MEP1B: variants seen among roughly 807,000 people sequenced by gnomAD.
The protein encoded by MEP1B is meprin A subunit beta.
A neutral mutation model predicts 84.6 loss-of-function variants in MEP1B; 80 were observed. The observed-to-expected ratio is 0.95, with a 90% CI of 0.79 to 1.14. MEP1B has a LOEUF of 1.14. MEP1B is among the 50% of genes most tolerant of loss of function. The pLI is 0.00. For synonymous variants in MEP1B, 273 were observed against 288.1 expected (o/e 0.95, Z 0.53); for missense variants, 766 against 855.1 (o/e 0.90, Z 1.30).
In MEP1B at chr18:32,195,413, A is replaced by C; in HGVS notation, c.178A>C (p.Ile60Leu). The C allele has an allele frequency of 6.2e-7, 1 of 1,608,942 alleles. No homozygotes were observed. The highest frequency in any genetic ancestry group is 2.2e-5 in the East Asian group (1 of 44,816). Reference sequence around the variant, plus strand: ...TTGCATTTATTTTTGACAGGCACAAATTAGAAATTCCATCATTGGAGAAAA... The same window carrying C: ...TTGCATTTATTTTTGACAGGCACAACTTAGAAATTCCATCATTGGAGAAAA... ...EGDIRLDRAQ[I>L]RNSIIGEKYR... Residue 60 changes from isoleucine (I) to leucine (L), a missense_variant, in exon 5 of 15, where the codon ATT becomes CTT. Ile to Leu is a conservative substitution (Grantham distance 5). Coordinates refer to ENST00000269202, the MANE Select transcript of MEP1B (RefSeq NM_005925.3).
intron 11 of MEP1B, among the ~76,000 whole-genome samples, chr18:32,214,372 A>G (rs1295057563): frequency 2.0e-5 from 3 of 152,220 alleles, no homozygotes; most frequent in Non-Finnish European, 2.9e-5. Flanking sequence ...TAATTTTGCC[A>G]AATGTGAATT....
intron 1 of MEP1B, 26 bp downstream of exon 1, chr18:32,190,159 A>G (rs1399864004): frequency 1.3e-6 from 2 of 1,582,386 alleles, no homozygotes; most frequent in South Asian, 1.2e-5. Flanking sequence ...ATAGAAGATA[A>G]TTTAAAAATT....
intron 5 of MEP1B, among the ~76,000 whole-genome samples, chr18:32,199,660 T>TTCCTTCCTTCCTTCCTTCCTTCCTTCC (rs1256249848): frequency 3.1e-5 from 3 of 96,544 alleles, no homozygotes; most frequent in African/African-American, 5.3e-5. Context: ...CTTTTTTTCC[T>TTCCTTCCTTCCTTCCTTCCTTCCTTCC]TTCGTTCGTT....
At position 32,213,189 on chromosome 18, in the gene MEP1B, A is replaced by G; in HGVS notation, c.1209A>G (p.Glu403=). The G allele has an allele frequency of 6.2e-7, 1 of 1,614,022 alleles. No individual in the cohort carries two copies. Among genetic ancestry groups the G allele is most frequent in the Non-Finnish European group, 8.5e-7 (1 of 1,179,880 alleles). ...KVTKKFRVVF[E]GRKGSGASLG... ...CCAAGAAGTTTAGAGTGGTGTTTGA[A>G]GGACGCAAAGGCTCTGGTGCATCAC... Residue 403 remains glutamate (E), a synonymous_variant, in exon 11 of 15, where the codon GAA becomes GAG. Transcript: ENST00000269202.
chr18:32,195,568 A>G, intron 5 of MEP1B, 83 bp downstream of exon 5: 1 of 901,000 alleles, frequency 1.1e-6, no homozygotes, highest in Non-Finnish European at 1.7e-6. Flanking sequence ...GTGGGCTTAT[A>G]TAGTCTTTAA....
Position 32,213,245 on chromosome 18 carries a change from T to A in MEP1B, c.1265T>A (p.Leu422His). Residue 422 changes from leucine (L) to histidine (H), a missense_variant, in exon 11 of 15, where the codon CTT becomes CAT. By Grantham distance (99) the Leu-to-His change is moderately conservative. Coordinates refer to ENST00000269202, the MANE Select transcript of MEP1B (RefSeq NM_005925.3). Reference protein sequence around the residue: ...LGGLSIDDINLSETRCPHHIW... With the variant: ...LGGLSIDDINHSETRCPHHIW... ...GGTCTGTCTATTGATGACATCAATC[T>A]TTCGGAAACACGGTGCCCTCATCAT... The A allele has an allele frequency of 6.2e-7, 1 of 1,614,022 alleles. No individual in the cohort carries two copies. The highest frequency in any genetic ancestry group is 8.5e-7 in the Non-Finnish European group (1 of 1,179,878).
intron 12 of MEP1B, among the ~76,000 whole-genome samples, chr18:32,215,609 G>A (rs1335526375): frequency 6.6e-6 from 1 of 152,122 alleles, no homozygotes; most frequent in Non-Finnish European, 1.5e-5. Context: ...TGGATCACGA[G>A]GTCAGGAGAT....
chr18:32,204,080 G>A (rs1231330451), intron 6 of MEP1B, 102 bp from the exon 7 acceptor site: 3 of 926,422 alleles, frequency 3.2e-6, no homozygotes. Flanking sequence ...GCAAAGGTGG[G>A]TAATGAAGTG....
At position 32,191,923 on chromosome 18, in the gene MEP1B, C is replaced by A. The variant is rs560286509; in HGVS notation, c.82+83C>A. ...TAAACATCATACATAATTACATATG[C>A]ATAATTGATGCATAATTGCATTGAA... On this transcript the variant is annotated intron_variant, in intron 2 of 14. Coordinates refer to ENST00000269202, the MANE Select transcript of MEP1B (RefSeq NM_005925.3). The A allele has an allele frequency of 1.7e-4, 136 of 795,946 alleles. No individual in the cohort carries two copies. The Middle Eastern group carries it at 2.9e-3, about 17-fold the overall frequency. The allele number at this position is 795,946 out of a possible 1,614,324, so 49.3% of individuals were successfully genotyped here.
In MEP1B at chr18:32,210,500, G is replaced by A; in HGVS notation, c.920-1G>A. The A allele has an allele frequency of 6.2e-7, 1 of 1,612,954 alleles. No homozygotes were observed. Among genetic ancestry groups the A allele is most frequent in the Middle Eastern group, 1.6e-4 (1 of 6,062 alleles). On this transcript the variant is annotated splice_acceptor_variant, in intron 9 of 14. Coordinates refer to ENST00000269202, the MANE Select transcript of MEP1B (RefSeq NM_005925.3). LOFTEE classifies it high-confidence loss of function. ...CTCTCAATTCTGCTTTTCTTTAACA[G>A]GTTCTGGTTTCTTCATGCATTTCGA...
chr18:32,199,086 G>C (rs1163169788), intron 5 of MEP1B, among the ~76,000 whole-genome samples: 1 of 152,174 alleles, frequency 6.6e-6, no homozygotes, highest in Non-Finnish European at 1.5e-5. Context: ...GCATGAGACA[G>C]AGAAGCATGG....
At chr18:32,219,636 C>T (rs1043449236) in intron 14 of MEP1B, among the ~76,000 whole-genome samples, 6 of 152,008 alleles carry the variant, frequency 3.9e-5, no homozygotes, top group African/African-American at 1.4e-4. Context: ...GGTAGTGTAA[C>T]AGCTGTTATA....
At position 32,213,281 on chromosome 18, in the gene MEP1B, T is replaced by C. The variant is rs903398107; in HGVS notation, c.1301T>C (p.Ile434Thr). 1.9e-6 allele frequency: 3 copies of C among 1,613,854 alleles called. No individual in the cohort carries two copies. The highest frequency in any genetic ancestry group is 2.5e-6 in the Non-Finnish European group (3 of 1,179,870). ...ETRCPHHIWHIRNFTQFIGSP... is the reference protein window; with the variant it reads ...ETRCPHHIWHTRNFTQFIGSP... ...CGGTGCCCTCATCATATCTGGCATA[T>C]AAGGAATTTCACACAGTTCATTGGC... The change falls in exon 11 of 15, where the codon ATA becomes ACA. Residue 434 changes from isoleucine to threonine, a missense_variant. Coordinates refer to ENST00000269202, the MANE Select transcript of MEP1B (RefSeq NM_005925.3).
At chr18:32,197,422 T>C (rs2040867110) in intron 5 of MEP1B, among the ~76,000 whole-genome samples, 1 of 151,102 alleles carries the variant, frequency 6.6e-6, no homozygotes, top group Non-Finnish European at 1.5e-5. Flanking sequence ...TTTTTTTGTT[T>C]TGAGACAGAG....
chr18:32,195,388 T>C lies in MEP1B; in HGVS notation c.172-19T>C. The C allele has an allele frequency of 6.5e-7, 1 of 1,545,998 alleles. No homozygotes were observed. Among genetic ancestry groups the C allele is most frequent in the Non-Finnish European group, 8.9e-7 (1 of 1,119,848 alleles). On this transcript the variant is annotated intron_variant, in intron 4 of 14. Coordinates refer to ENST00000269202, the MANE Select transcript of MEP1B (RefSeq NM_005925.3). ...TGCCTTATTTGTTTAACTAGCCCTTTTGCATTTATTTTTGACAGGCACAAA... is the reference window on the plus strand; with the variant it reads ...TGCCTTATTTGTTTAACTAGCCCTTCTGCATTTATTTTTGACAGGCACAAA...
At chr18:32,219,166 A>T (rs529578140) in intron 14 of MEP1B, among the ~76,000 whole-genome samples, 1 of 152,370 alleles carries the variant, frequency 6.6e-6, no homozygotes, top group African/African-American at 2.4e-5. Context: ...AAAAACGATT[A>T]TTCAAGACAT....
In MEP1B at chr18:32,192,664, A is replaced by C. The variant is rs201613536; in HGVS notation, c.101A>C (p.Asp34Ala). 2.1e-5 allele frequency: 34 copies of C among 1,613,366 alleles called. No individual in the cohort carries two copies. The highest frequency in any genetic ancestry group is 2.9e-5 in the Non-Finnish European group (34 of 1,179,458). The change falls in exon 3 of 15, where the codon GAC becomes GCC. Residue 34 changes from aspartate (D) to alanine (A), a missense_variant. Transcript: ENST00000269202. ...PENFDVDGGM[D>A]QDIFDINEGL... The stretch of plus-strand genomic sequence containing the variant: ...ATCAAAGATGTAGATGGCGGAATGG[A>C]CCAGGACATATTTGATATCAATGAA...
intron 7 of MEP1B, among the ~76,000 whole-genome samples, chr18:32,204,619 G>A (rs773222401): frequency 3.3e-5 from 5 of 152,120 alleles, no homozygotes; most frequent in Non-Finnish European, 7.4e-5. Flanking sequence ...GTATTATGTG[G>A]AACGGAGTCT....
intron 11 of MEP1B, among the ~76,000 whole-genome samples, chr18:32,213,855 C>T (rs1404184108): frequency 6.6e-6 from 1 of 152,166 alleles, no homozygotes; most frequent in African/African-American, 2.4e-5. Context: ...TCTGACATGC[C>T]TGAGTTCAAG....
Sources: allele counts gnomAD v4.1 joint callset (sites outside exome capture counted in the v4.1 genomes callset), GRCh38; gene constraint gnomAD v4.1.1; transcripts MANE v1.5; gene names NCBI Gene and HGNC (gene_info 2026-07-23, HGNC 2026-07-21).